DPP6: variants seen among roughly 807,000 people sequenced by gnomAD.
The protein encoded by DPP6 is A-type potassium channel modulatory protein DPP6.
In DPP6, 69 loss-of-function variants were observed where a neutral mutation model predicts 122.6. The ratio of observed to expected loss-of-function variants is 0.56; its 90% CI spans 0.46 to 0.69. DPP6 has a LOEUF of 0.69. DPP6 is among the 30% of genes least tolerant of loss of function. The pLI, the probability that DPP6 is intolerant of heterozygous loss-of-function variation, is 0.00. For missense variants in DPP6, 928 were observed against 1,116.9 expected, an observed-to-expected ratio of 0.83 and a Z score of 2.41; for synonymous variants, 418 against 433.1, an observed-to-expected ratio of 0.97 and a Z score of 0.43.
intron 1 of DPP6, among the ~76,000 whole-genome samples, chr7:154,080,574 C>T (rs1177105684): frequency 6.6e-6 from 1 of 152,164 alleles, no homozygotes. Flanking sequence ...ATATGCTTTT[C>T]CCTATGGTAG....
At chr7:154,250,190 C>T (rs902149651) in intron 1 of DPP6, among the ~76,000 whole-genome samples, 19 of 152,038 alleles carry the variant, frequency 1.2e-4, no homozygotes, top group African/African-American at 4.1e-4. Context: ...ATTGCTCACT[C>T]GGGAGCTTGG....
At chr7:154,509,241 G>T (rs910786909) in intron 3 of DPP6, among the ~76,000 whole-genome samples, 1 of 152,064 alleles carries the variant, frequency 6.6e-6, no homozygotes, top group Non-Finnish European at 1.5e-5. Flanking sequence ...ACCTGTTGAG[G>T]AACTTATATC....
intron 1 of DPP6, among the ~76,000 whole-genome samples, chr7:153,999,644 G>T (rs1456794552): frequency 6.6e-6 from 1 of 152,158 alleles, no homozygotes; most frequent in East Asian, 1.9e-4. Flanking sequence ...ACTTCAGTTT[G>T]GCTGGAGAAC....
intron 12 of DPP6, among the ~76,000 whole-genome samples, chr7:154,799,950 A>C (rs1365954103): frequency 3.3e-5 from 5 of 152,246 alleles, no homozygotes; most frequent in Non-Finnish European, 5.9e-5. Flanking sequence ...TAGAGATGAC[A>C]TCACAACGGT....
chr7:154,782,852 C>T (rs1241882550), intron 10 of DPP6, among the ~76,000 whole-genome samples: 1 of 151,990 alleles, frequency 6.6e-6, no homozygotes, highest in African/African-American at 2.4e-5. Flanking sequence ...GGCATGATCT[C>T]GGCTCACTGC....
At chr7:154,704,307 A>C (rs1411378187) in intron 7 of DPP6, among the ~76,000 whole-genome samples, 1 of 152,228 alleles carries the variant, frequency 6.6e-6, no homozygotes, top group Non-Finnish European at 1.5e-5. Flanking sequence ...CGAGCAAAGA[A>C]AGTGTTTCTT....
the DPP6 span, among the ~76,000 whole-genome samples, chr7:153,849,267 T>C: frequency 7.0e-6 from 1 of 141,962 alleles, no homozygotes; most frequent in Admixed American, 7.1e-5. Flanking sequence ...CAGAGACATA[T>C]ATGTTTTCTT....
At chr7:154,373,688 G>A (rs1323789706) in intron 1 of DPP6, among the ~76,000 whole-genome samples, 2 of 148,154 alleles carry the variant, frequency 1.3e-5, no homozygotes, top group Non-Finnish European at 3.0e-5. Flanking sequence ...TCAGTGGCAT[G>A]AGGGCATTTA....
chr7:153,955,791 G>A (rs758863023), intron 1 of DPP6, among the ~76,000 whole-genome samples: 10 of 152,134 alleles, frequency 6.6e-5, no homozygotes, highest in Non-Finnish European at 1.0e-4. Flanking sequence ...TGTTAACTTG[G>A]GAAAGGTCAC....
At chr7:153,817,794 A>T in the DPP6 span, among the ~76,000 whole-genome samples, 1 of 150,492 alleles carries the variant, frequency 6.6e-6, no homozygotes. Flanking sequence ...GAGGGATAGC[A>T]TTAGGAGATA....
At chr7:154,623,543 C>G (rs968537358) in intron 5 of DPP6, among the ~76,000 whole-genome samples, 3 of 151,496 alleles carry the variant, frequency 2.0e-5, no homozygotes, top group African/African-American at 7.3e-5. Flanking sequence ...TACAAACACA[C>G]ACACACGCAC....
intron 5 of DPP6, among the ~76,000 whole-genome samples, chr7:154,615,041 G>A (rs760684157): frequency 6.6e-6 from 1 of 152,146 alleles, no homozygotes; most frequent in Non-Finnish European, 1.5e-5. Context: ...GACAAGAGAC[G>A]GTCAGAACTT....
chr7:154,889,960 G>A, intron 25 of DPP6: 1 of 182,492 alleles, frequency 5.5e-6, no homozygotes, highest in Non-Finnish European at 1.1e-5. Flanking sequence ...AACACCACAT[G>A]TTACTACGCA....
At position 154,328,701 on chromosome 7, in the gene DPP6, T is replaced by TTACTTAATGGAGGGTG. The variant is rs1808655113; in HGVS notation, c.244-117509_244-117494dup. On this transcript the variant is annotated intron_variant, in intron 1 of 25. Coordinates refer to ENST00000377770, the MANE Select transcript of DPP6 (RefSeq NM_130797.4). The stretch of plus-strand genomic sequence containing the variant: ...AATCAAGCCCACAGAAATGGAGGGT[T>TTACTTAATGGAGGGTG]TACTTAATGGAGGGTGTACATGGTA... 6.6e-5 allele frequency among the ~76,000 whole-genome samples: 10 copies of TTACTTAATGGAGGGTG among 152,134 alleles called. No homozygotes were observed. In the South Asian group the frequency reaches 2.1e-3, roughly 32 times the overall value.
At position 154,256,951 on chromosome 7, in the gene DPP6, TG is replaced by T. The variant is rs1296388042; in HGVS notation, c.244-189262del. On this transcript the variant is annotated intron_variant, in intron 1 of 25. Transcript: ENST00000377770. ...AATGCCAGGCTTTAGAGTGACAGCA[TG>T]AAATACCCCCTTGGGTTCTTTTTTC... 6.6e-5 allele frequency among the ~76,000 whole-genome samples: 10 copies of T among 152,086 alleles called. 1 individual carries two copies. The highest frequency in any genetic ancestry group is 6.8e-3 in the Middle Eastern group (2 of 292).
intron 16 of DPP6, among the ~76,000 whole-genome samples, chr7:154,847,857 T>G (rs1399410647): frequency 1.3e-5 from 2 of 152,216 alleles, no homozygotes; most frequent in African/African-American, 2.4e-5. Flanking sequence ...GGTAACCATC[T>G]TTCTACTCTT....
Position 154,386,764 on chromosome 7 carries a change from C to T in DPP6, c.244-59450C>T, listed in dbSNP as rs142730487. ...AGAAAGCTGAGGAGAACAAAAGTAG[C>T]GTTAGCTGGAGACATATGCCATTTG... is the stretch of plus-strand genomic sequence containing the variant. On this transcript the variant is annotated intron_variant, in intron 1 of 25. Coordinates refer to ENST00000377770, the MANE Select transcript of DPP6 (RefSeq NM_130797.4). Among the ~76,000 whole-genome samples, 46 of 152,270 alleles carry T rather than the reference C, an allele frequency of 3.0e-4. No homozygotes were observed. The East Asian group carries it at 8.5e-3, about 28-fold the overall frequency.
At chr7:153,995,437 T>G (rs1254355937) in intron 1 of DPP6, among the ~76,000 whole-genome samples, 1 of 151,812 alleles carries the variant, frequency 6.6e-6, no homozygotes, top group African/African-American at 2.4e-5. Flanking sequence ...ATACAAAAAA[T>G]TAGCCAGGGG....
At chr7:154,803,809 A>G in intron 13 of DPP6, 55 bp from the exon 14 acceptor site, 3 of 1,581,090 alleles carry the variant, frequency 1.9e-6, no homozygotes, top group Non-Finnish European at 2.6e-6. Flanking sequence ...ATGAAGAGCC[A>G]TGCTGGGGCC....
Sources: gnomAD v4.1 joint callset for allele counts (sites outside exome capture counted in the v4.1 genomes callset) on GRCh38, gnomAD v4.1.1 for gene constraint, MANE v1.5 for transcripts, NCBI Gene and HGNC (gene_info 2026-07-23, HGNC 2026-07-21) for gene names.